The following TMEM131 variants were observed in gnomAD, a reference collection of about 807,000 sequenced individuals.
TMEM131 encodes the protein transmembrane protein 131.
A neutral mutation model predicts 211.6 loss-of-function variants in TMEM131; 66 were observed. The observed-to-expected ratio is 0.31, with a 90% CI of 0.26 to 0.38. The LOEUF (loss-of-function observed/expected upper bound fraction) is 0.38, where lower values mean the gene tolerates loss of function less well. TMEM131 is among the 10% of genes least tolerant of loss of function. The pLI is 1.00. For missense variants in TMEM131, 2,036 were observed against 2,299.3 expected (o/e 0.89, Z 2.34); for synonymous variants, 844 against 841.3 (o/e 1.00, Z -0.06).
chr2:97,826,423 T>C (rs927454132), intron 11 of TMEM131, among the ~76,000 whole-genome samples: 2 of 151,994 alleles, frequency 1.3e-5, no homozygotes, highest in African/African-American at 4.8e-5. Context: ...AATTATGGAG[T>C]TATTGCACGC....
intron 1 of TMEM131, among the ~76,000 whole-genome samples, chr2:97,942,394 A>G (rs1394804783): frequency 6.6e-6 from 1 of 151,954 alleles, no homozygotes; most frequent in African/African-American, 2.4e-5. Context: ...GTTAACGGGT[A>G]CAACACACCA....
At chr2:97,913,147 G>T (rs1281710692) in intron 2 of TMEM131, 1 of 151,998 alleles carries the variant, frequency 6.6e-6, no homozygotes, top group Non-Finnish European at 1.5e-5. Context: ...GCAAATCAGG[G>T]GGCCACTAAC....
In TMEM131 at chr2:97,801,945, C is replaced by G; in HGVS notation, c.2668G>C (p.Val890Leu). The G allele has an allele frequency of 6.2e-7, 1 of 1,608,114 alleles. No individual in the cohort carries two copies. The highest frequency in any genetic ancestry group is 8.5e-7 in the Non-Finnish European group (1 of 1,177,206). The change falls in exon 25 of 41, where the codon GTG becomes CTG. Residue 890 changes from valine to leucine, a missense_variant. Val to Leu is a conservative substitution (Grantham distance 32, BLOSUM62 1). This residue lies in a region of TMEM131 where 1,623 missense variants were observed against 1,805.9 expected (regional missense o/e 0.90). Coordinates refer to ENST00000186436, the MANE Select transcript of TMEM131 (RefSeq NM_015348.2). Reference sequence around the variant, plus strand: ...AGTGTTCTCAAATCTATCTTTGCCACCTTACTCAAGTTAAACCTAAAACAA... The same window carrying G: ...AGTGTTCTCAAATCTATCTTTGCCAGCTTACTCAAGTTAAACCTAAAACAA... ...KLVSRFNLSKVAKIDLRTLEF... is the reference protein window; with the variant it reads ...KLVSRFNLSKLAKIDLRTLEF...
chr2:97,884,052 TTTA>T (rs138488166), intron 4 of TMEM131, among the ~76,000 whole-genome samples: 11,000 of 152,230 alleles, frequency 0.072, 538 homozygotes, highest in Non-Finnish European at 0.11. Context: ...TGATGTAGGA[TTTA>T]TTGTTATATA....
At chr2:97,984,188 T>C (rs1030948073) in intron 1 of TMEM131, among the ~76,000 whole-genome samples, 4 of 152,246 alleles carry the variant, frequency 2.6e-5, no homozygotes, top group African/African-American at 4.8e-5. Flanking sequence ...ATTCTAATTA[T>C]ACCAATTACA....
At chr2:97,906,598 G>C (rs1676079392) in intron 3 of TMEM131, among the ~76,000 whole-genome samples, 1 of 152,176 alleles carries the variant, frequency 6.6e-6, no homozygotes, top group Non-Finnish European at 1.5e-5. Flanking sequence ...TTGGAGTCCA[G>C]CCATCATACT....
At position 97,818,473 on chromosome 2, in the gene TMEM131, CGGG is replaced by C. The variant is rs869139049; in HGVS notation, c.1183+137_1183+139del. 5.4e-5 allele frequency: 3 copies of C among 55,522 alleles called. 1 individual carries two copies. Among genetic ancestry groups the C allele is most frequent in the Non-Finnish European group, 6.6e-5 (1 of 15,228 alleles). The allele number at this position is 55,522 out of a possible 1,614,324, so 3.4% of individuals were successfully genotyped here. On this transcript the variant is annotated intron_variant, in intron 12 of 40. Coordinates refer to ENST00000186436, the MANE Select transcript of TMEM131 (RefSeq NM_015348.2). ...CATGATGGTTTACAGCGGGGGGGGG[CGGG>C]GGGGGATCAACCTAAGCAGTAATAT...
chr2:97,952,029 C>T (rs1025595892), intron 1 of TMEM131, among the ~76,000 whole-genome samples: 25 of 151,926 alleles, frequency 1.6e-4, no homozygotes, highest in African/African-American at 5.8e-4. Flanking sequence ...TGGTGGCGCA[C>T]GCCTGTAATC....
At position 97,757,318 on chromosome 2, in the gene TMEM131, G is replaced by T. The variant is rs922045712; in HGVS notation, c.5433C>A (p.Ser1811Arg). 3 of 1,613,850 alleles carry T rather than the reference G, an allele frequency of 1.9e-6. No homozygotes were observed. Among genetic ancestry groups the T allele is most frequent in the African/African-American group, 1.3e-5 (1 of 75,024 alleles). The change falls in exon 41 of 41, where the codon AGC becomes AGA. Residue 1811 changes from serine to arginine, a missense_variant. Ser to Arg is a moderately radical substitution (Grantham distance 110). Around this residue, in one of 3 missense-constraint regions of TMEM131, gnomAD observed 1,623 missense variants for 1,805.9 expected, o/e 0.90. Transcript: ENST00000186436. ...TTPFSSSIWS[S>R]NLSSALPFTT... ...TGAAGGGAAGGGCGCTGCTAAGGTTGCTGGACCAAATGGAGCTGCTGAATG... is the reference window on the plus strand; with the variant it reads ...TGAAGGGAAGGGCGCTGCTAAGGTTTCTGGACCAAATGGAGCTGCTGAATG...
chr2:97,916,804 T>C (rs1030752160), intron 2 of TMEM131, among the ~76,000 whole-genome samples: 1 of 152,152 alleles, frequency 6.6e-6, no homozygotes, highest in African/African-American at 2.4e-5. Context: ...TTTGGTTAGG[T>C]TAAACTCCCT....
At chr2:97,931,331 T>A (rs953433787) in intron 1 of TMEM131, among the ~76,000 whole-genome samples, 1 of 149,114 alleles carries the variant, frequency 6.7e-6, no homozygotes, top group Non-Finnish European at 1.5e-5. Flanking sequence ...TGTAAAAATG[T>A]CAATGTGTCA....
chr2:97,757,369 G>A lies in TMEM131; in HGVS notation c.5382C>T (p.Asn1794=). 2.5e-6 allele frequency: 4 copies of A among 1,605,040 alleles called. No homozygotes were observed. The highest frequency in any genetic ancestry group is 2.2e-5 in the East Asian group (1 of 44,692). ...GAGTGGTGGACCACAGGCCGCTGGT[G>A]TTACCGAGGACCGACTGCGACAAAA... The part of the protein sequence containing the change: ...PTHTATSVLG[N]TSGLWSTTPF... The change falls in exon 41 of 41, where the codon AAC becomes AAT. Residue 1794 remains asparagine (N), a synonymous_variant. Coordinates refer to ENST00000186436, the MANE Select transcript of TMEM131 (RefSeq NM_015348.2).
At chr2:97,807,610 C>A (rs1000158669) in intron 19 of TMEM131, among the ~76,000 whole-genome samples, 1 of 152,208 alleles carries the variant, frequency 6.6e-6, no homozygotes, top group African/African-American at 2.4e-5. Context: ...AAATAAATCA[C>A]CCAGCCTCAG....
In TMEM131 at chr2:97,761,300, G is replaced by T. The variant is rs1224446203; in HGVS notation, c.4890-386C>A. The T allele has an allele frequency of 1.7e-5, 3 of 177,796 alleles. No homozygotes were observed. The South Asian group carries it at 4.0e-4, about 24-fold the overall frequency. The allele number at this position is 177,796 out of a possible 1,614,324, so 11.0% of individuals were successfully genotyped here. On this transcript the variant is annotated intron_variant, in intron 36 of 40. Coordinates refer to ENST00000186436, the MANE Select transcript of TMEM131 (RefSeq NM_015348.2). ...GTCTCCTTCCCTGCCAGGACACGGC[G>T]AGGTGCTCCTGTGGCAAGGCCCAGA...
At chr2:97,818,410 T>C (rs1681936131) in intron 12 of TMEM131, among the ~76,000 whole-genome samples, 1 of 134,762 alleles carries the variant, frequency 7.4e-6, no homozygotes. Flanking sequence ...TTTATAAAGT[T>C]GTGGTATTTT....
intron 2 of TMEM131, among the ~76,000 whole-genome samples, chr2:97,912,479 T>C (rs1386495690): frequency 1.3e-5 from 2 of 152,140 alleles, no homozygotes; most frequent in African/African-American, 2.4e-5. Context: ...GCCCATGCCA[T>C]GCATTTTTTT....
intron 3 of TMEM131, among the ~76,000 whole-genome samples, chr2:97,901,665 G>C (rs1447224572): frequency 6.6e-6 from 1 of 152,136 alleles, no homozygotes; most frequent in African/African-American, 2.4e-5. Flanking sequence ...TATGTTAAGT[G>C]AAACAGGCAA....
intron 2 of TMEM131, chr2:97,911,622 A>G: frequency 1.0e-6 from 1 of 985,310 alleles, no homozygotes; most frequent in Middle Eastern, 5.2e-4. Flanking sequence ...AAGACTCACA[A>G]ATGAGGAAGC....
intron 11 of TMEM131, chr2:97,827,177 C>A: frequency 3.1e-6 from 2 of 643,854 alleles, no homozygotes; most frequent in Non-Finnish European, 5.7e-6. Flanking sequence ...GGCAAGGCAG[C>A]CCAGTTTCGT....
Sources: gnomAD v4.1 joint callset for allele counts (sites outside exome capture counted in the v4.1 genomes callset) on GRCh38, gnomAD v4.1.1 for gene constraint, gnomAD v4.1.1 regional missense constraint, MANE v1.5 for transcripts, NCBI Gene and HGNC (gene_info 2026-07-23, HGNC 2026-07-21) for gene names.